The following AKR1B10 variants were observed in gnomAD, a reference collection of about 807,000 sequenced individuals.
AKR1B10 encodes the protein aldo-keto reductase family 1 member B10.
A neutral mutation model predicts 38.9 loss-of-function variants in AKR1B10; 39 were observed. That is an observed-to-expected ratio of 1.00 (90% CI 0.78 to 1.31). The LOEUF (loss-of-function observed/expected upper bound fraction) is 1.31, where lower values mean the gene tolerates loss of function less well. AKR1B10 is among the 50% of genes most tolerant of loss of function. The pLI, the probability that AKR1B10 is intolerant of heterozygous loss-of-function variation, is 0.00. For synonymous variants in AKR1B10, 148 were observed against 141.2 expected (o/e 1.05, Z -0.34); for missense variants, 361 against 382.6 (o/e 0.94, Z 0.47).
chr7:134,536,906 C>T (rs1808024237), intron 5 of AKR1B10, 134 bp downstream of exon 5: 11 of 1,576,930 alleles, frequency 7.0e-6, no homozygotes, highest in Non-Finnish European at 9.5e-6. Flanking sequence ...AGGTGTGAGG[C>T]TGATCTCACG....
rs761060865 is a variant in AKR1B10, at chr7:134,532,049, C to T, written c.351+25C>T. ...GGTTTAAGACACTCTCTTTCTCAGC[C>T]TCTAGTTTCTGAGCAGGTGCCAGAA... On this transcript the variant is annotated intron_variant, in intron 3 of 9. Coordinates refer to ENST00000359579, the MANE Select transcript of AKR1B10 (RefSeq NM_020299.5). The T allele has an allele frequency of 6.2e-6, 10 of 1,613,160 alleles. No homozygotes were observed. The South Asian group carries it at 9.9e-5, about 16-fold the overall frequency.
chr7:134,541,148 A>G lies in AKR1B10; in HGVS notation c.*59A>G. ...TCTCTTTCTTCGCTGAAGTGTGACT[A>G]CCTCCACTCATGTCCCATTTTAGCC... is the stretch of plus-strand genomic sequence containing the variant. On this transcript the variant is annotated 3_prime_UTR_variant, in exon 10 of 10. Coordinates refer to ENST00000359579, the MANE Select transcript of AKR1B10 (RefSeq NM_020299.5). The G allele has an allele frequency of 3.1e-6, 4 of 1,282,914 alleles. 1 individual carries two copies. In the South Asian group the frequency reaches 3.8e-5, roughly 12 times the overall value. The allele number at this position is 1,282,914 out of a possible 1,614,324, so 79.5% of individuals were successfully genotyped here.
In AKR1B10 at chr7:134,538,320, G is replaced by T. The variant is rs560192346; in HGVS notation, c.825+43G>T. 58 of 1,569,456 alleles carry T rather than the reference G, an allele frequency of 3.7e-5. No homozygotes were observed. In the South Asian group the frequency reaches 5.6e-4, roughly 15 times the overall value. On this transcript the variant is annotated intron_variant, in intron 8 of 9. Coordinates refer to ENST00000359579, the MANE Select transcript of AKR1B10 (RefSeq NM_020299.5). ...CGGCCCTGGTATTCCTCAGTGGAGT[G>T]GGGGACAGGCAGACCTTCTCACTAG...
At chr7:134,532,073 A>G in intron 3 of AKR1B10, 49 bp downstream of exon 3, 1 of 1,606,316 alleles carries the variant, frequency 6.2e-7, no homozygotes, top group Non-Finnish European at 8.5e-7. Context: ...CAGGTGCCAG[A>G]AAATAGTAGC....
At position 134,529,010 on chromosome 7, in the gene AKR1B10, A is replaced by G. The variant is rs1193380950; in HGVS notation, c.66+1033A>G. On this transcript the variant is annotated intron_variant, in intron 1 of 9. Coordinates refer to ENST00000359579, the MANE Select transcript of AKR1B10 (RefSeq NM_020299.5). ...CCGAGCCTCTGTTAGGCTAAGTTTC[A>G]AGTTGTTCCATCACCACCTCCCTCT... is the stretch of plus-strand genomic sequence containing the variant. Among the ~76,000 whole-genome samples, 3 of 152,134 alleles carry G rather than the reference A, an allele frequency of 2.0e-5. No individual in the cohort carries two copies. In the East Asian group the frequency reaches 5.8e-4, roughly 29 times the overall value.
intron 4 of AKR1B10, among the ~76,000 whole-genome samples, chr7:134,533,388 T>A (rs1255603045): frequency 6.6e-6 from 1 of 152,204 alleles, no homozygotes; most frequent in African/African-American, 2.4e-5. Flanking sequence ...GGTGTGCTCA[T>A]AGCAGCTGAG....
intron 2 of AKR1B10, among the ~76,000 whole-genome samples, chr7:134,531,083 C>T (rs961908180): frequency 1.9e-4 from 29 of 152,184 alleles, no homozygotes; most frequent in Non-Finnish European, 5.9e-5. Flanking sequence ...TGTTCCCCAT[C>T]AGAGGGATCT....
At chr7:134,535,364 CT>C (rs916622603) in intron 4 of AKR1B10, among the ~76,000 whole-genome samples, 44 of 152,116 alleles carry the variant, frequency 2.9e-4, no homozygotes, top group African/African-American at 9.9e-4. Flanking sequence ...CCCAAAACCC[CT>C]GTTCCAATCC....
chr7:134,540,473 G>T (rs1297514609), intron 9 of AKR1B10, among the ~76,000 whole-genome samples: 2 of 152,126 alleles, frequency 1.3e-5, no homozygotes, highest in Admixed American at 1.3e-4. Context: ...GGAGGCAATG[G>T]GTTGGTGGGC....
intron 8 of AKR1B10, 29 bp from the exon 9 acceptor site, chr7:134,538,906 A>G (rs780915961): frequency 2.5e-6 from 4 of 1,613,496 alleles, no homozygotes; most frequent in Middle Eastern, 3.3e-4. Flanking sequence ...GGCCTTACTG[A>G]TGATGTATTG....
At chr7:134,530,590 C>T in intron 1 of AKR1B10, 53 bp from the exon 2 acceptor site, 1 of 1,600,354 alleles carries the variant, frequency 6.2e-7, no homozygotes, top group South Asian at 1.1e-5. Context: ...CACGGCAGGG[C>T]CCCATCTCTT....
intron 8 of AKR1B10, among the ~76,000 whole-genome samples, chr7:134,538,520 C>G (rs999067618): frequency 2.6e-5 from 4 of 152,192 alleles, no homozygotes; most frequent in Admixed American, 2.6e-4. Context: ...TTGTGCCTCA[C>G]ACCACTGAGA....
At position 134,533,066 on chromosome 7, in the gene AKR1B10, CT is replaced by C; in HGVS notation, c.416del (p.Leu139TrpfsTer16). On this transcript the variant is annotated frameshift_variant, in exon 4 of 10. Transcript: ENST00000359579. LOFTEE classifies it high-confidence loss of function. ...ATGCCATCGGTGGAAAAGCAACGTT[CT>C]TGGATGCCTGGGAGGTAGGTTCCCA... ...GNAIGGKATF[L>X]DAWEAMEELV... is the part of the protein sequence containing the mutation. 1 of 1,597,582 alleles carries C rather than the reference CT, an allele frequency of 6.3e-7. No homozygotes were observed. The highest frequency in any genetic ancestry group is 1.1e-5 in the South Asian group (1 of 87,408).
At chr7:134,535,678 T>C (rs1426174452) in intron 4 of AKR1B10, 1 of 984,760 alleles carries the variant, frequency 1.0e-6, no homozygotes, top group Non-Finnish European at 1.2e-6. Context: ...GTATCTCTTC[T>C]TTCTCTGCCC....
chr7:134,539,089 A>C, intron 9 of AKR1B10, 72 bp downstream of exon 9: 1 of 1,580,096 alleles, frequency 6.3e-7, no homozygotes, highest in Non-Finnish European at 8.7e-7. Context: ...AGTTGGAAGG[A>C]TTGGAAGGCT....
rs1210065200 is a variant in AKR1B10 at position 134,527,990 on chromosome 7, A to T, written c.66+13A>T. The T allele has an allele frequency of 1.2e-6, 2 of 1,613,558 alleles. No homozygotes were observed. The highest frequency in any genetic ancestry group is 2.2e-5 in the South Asian group (2 of 91,060). On this transcript the variant is annotated intron_variant, in intron 1 of 9. Coordinates refer to ENST00000359579, the MANE Select transcript of AKR1B10 (RefSeq NM_020299.5). Reference sequence around the variant, plus strand: ...GGGCACTTGGAAGGTAAATATGCAAATCTTTGCACACCCTTCTTCTCTGGA... The same window carrying T: ...GGGCACTTGGAAGGTAAATATGCAATTCTTTGCACACCCTTCTTCTCTGGA...
intron 3 of AKR1B10, 52 bp downstream of exon 3, chr7:134,532,076 A>G: frequency 6.2e-7 from 1 of 1,602,388 alleles, no homozygotes; most frequent in Non-Finnish European, 8.6e-7. Flanking sequence ...GTGCCAGAAA[A>G]TAGTAGCTGC....
rs1585748439 is a variant in AKR1B10, at chr7:134,527,907, C to T, written c.-5C>T. The T allele has an allele frequency of 5.6e-6, 9 of 1,613,190 alleles. No individual in the cohort carries two copies. The East Asian group carries it at 2.0e-4, about 36-fold the overall frequency. ...TGCTCACTCAGAATCATTTCTGCAC[C>T]AACCATGGCCACGTTTGTGGAGCTC... is the stretch of plus-strand genomic sequence containing the variant. On this transcript the variant is annotated 5_prime_UTR_variant, in exon 1 of 10. Coordinates refer to ENST00000359579, the MANE Select transcript of AKR1B10 (RefSeq NM_020299.5).
chr7:134,533,956 A>C (rs1007578509), intron 4 of AKR1B10, among the ~76,000 whole-genome samples: 6 of 152,192 alleles, frequency 3.9e-5, no homozygotes, highest in African/African-American at 1.4e-4. Flanking sequence ...TTATTTTGGT[A>C]GCTGTCTGTG....
Sources: allele counts gnomAD v4.1 joint callset (sites outside exome capture counted in the v4.1 genomes callset), GRCh38; gene constraint gnomAD v4.1.1; transcripts MANE v1.5; gene names NCBI Gene and HGNC (gene_info 2026-07-23, HGNC 2026-07-21).